Variants in KAZN observed in about 807,000 individuals in gnomAD.
The protein encoded by KAZN is kazrin, periplakin interacting protein, also known as kazrin.
Under a neutral mutation model 87.4 loss-of-function variants are expected in KAZN, and 40 were observed. The observed-to-expected ratio is 0.46, with a 90% CI of 0.36 to 0.60. The LOEUF (loss-of-function observed/expected upper bound fraction) is 0.60. Ranked by LOEUF, KAZN falls within the 20% of genes least tolerant of loss-of-function variation. The probability of loss-of-function intolerance (pLI) is 0.00; values close to 1 mark genes in which losing one functional copy is unlikely to be tolerated. For missense variants in KAZN, 898 were observed against 1,073.9 expected, an observed-to-expected ratio of 0.84 and a Z score of 2.29; for synonymous variants, 466 against 458.3, an observed-to-expected ratio of 1.02 and a Z score of -0.22.
chr1:14,954,726 G>A (rs1662878777), intron 1 of KAZN, among the ~76,000 whole-genome samples: 1 of 152,202 alleles, frequency 6.6e-6, no homozygotes, highest in Admixed American at 6.5e-5. Context: ...GGAGACTGAG[G>A]CGGGCAGATC....
intron 2 of KAZN, among the ~76,000 whole-genome samples, chr1:14,219,465 T>C (rs979135071): frequency 8.5e-5 from 13 of 152,184 alleles, no homozygotes; most frequent in African/African-American, 3.1e-4. Flanking sequence ...TTAAAACATA[T>C]ATAATGTACC....
At chr1:14,258,883 T>C (rs1463566363) in intron 2 of KAZN, among the ~76,000 whole-genome samples, 4 of 152,182 alleles carry the variant, frequency 2.6e-5, no homozygotes, top group African/African-American at 9.6e-5. Context: ...GTCTCCATGG[T>C]AAATGGTCAA....
chr1:14,650,853 T>A (rs986328068), intron 1 of KAZN, among the ~76,000 whole-genome samples: 1 of 152,186 alleles, frequency 6.6e-6, no homozygotes, highest in African/African-American at 2.4e-5. Flanking sequence ...AAGGGCCTGA[T>A]GGGGTCCATG....
At position 14,392,970 on chromosome 1, in the gene KAZN, C is replaced by T. The variant is rs77630702; in HGVS notation, c.250-206013C>T. 3.0e-3 allele frequency among the ~76,000 whole-genome samples: 455 copies of T among 152,268 alleles called. 3 individuals are homozygous for T. Among genetic ancestry groups the T allele is most frequent in the African/African-American group, 1.0e-2 (414 of 41,536 alleles). On this transcript the variant is annotated intron_variant, in intron 2 of 16. Transcript: ENST00000636203. ...TTTGGCTTTCTTTCTGCTCTAGGGA[C>T]TTCCTTCCATGGTGCAGTGGTCAAT...
At chr1:14,482,929 C>T (rs530631929) in intron 2 of KAZN, among the ~76,000 whole-genome samples, 1 of 152,308 alleles carries the variant, frequency 6.6e-6, no homozygotes, top group South Asian at 2.1e-4. Flanking sequence ...AGGTAAGTTA[C>T]ATAACCTCTT....
At chr1:14,804,545 C>T (rs1035830420) in intron 1 of KAZN, among the ~76,000 whole-genome samples, 2 of 152,120 alleles carry the variant, frequency 1.3e-5, no homozygotes, top group East Asian at 1.9e-4. Context: ...GTGCTACTAC[C>T]GGAATAGGGA....
At chr1:15,017,762 C>T (rs1670270161) in intron 2 of KAZN, among the ~76,000 whole-genome samples, 1 of 152,054 alleles carries the variant, frequency 6.6e-6, no homozygotes, top group Non-Finnish European at 1.5e-5. Flanking sequence ...TGAGATTGCA[C>T]CATTGCACTC....
At chr1:14,624,481 C>G (rs549329251) in intron 1 of KAZN, among the ~76,000 whole-genome samples, 1 of 151,926 alleles carries the variant, frequency 6.6e-6, no homozygotes, top group Non-Finnish European at 1.5e-5. Flanking sequence ...CTATTTCTCC[C>G]TGCAGTTCTC....
At chr1:14,395,778 A>G (rs1662846464) in intron 2 of KAZN, among the ~76,000 whole-genome samples, 1 of 152,130 alleles carries the variant, frequency 6.6e-6, no homozygotes, top group African/African-American at 2.4e-5. Context: ...GATACTAGTG[A>G]AGACATTTAA....
At chr1:14,140,594 C>T (rs1431726777) in intron 1 of KAZN, among the ~76,000 whole-genome samples, 1 of 151,960 alleles carries the variant, frequency 6.6e-6, no homozygotes, top group Non-Finnish European at 1.5e-5. Context: ...AGAAAAAGAG[C>T]CCAATCATTC....
chr1:14,096,940 C>T (rs1338308532), intron 1 of KAZN, among the ~76,000 whole-genome samples: 1 of 152,204 alleles, frequency 6.6e-6, no homozygotes, highest in Non-Finnish European at 1.5e-5. Context: ...AAACATGGAG[C>T]CCAGGCTTTT....
intron 1 of KAZN, among the ~76,000 whole-genome samples, chr1:14,747,680 T>C (rs1173952452): frequency 1.3e-5 from 2 of 152,274 alleles, no homozygotes; most frequent in African/African-American, 4.8e-5. Context: ...TAAATACAAG[T>C]ATCAGTTTGA....
chr1:14,574,691 A>T (rs1318176561), intron 2 of KAZN, among the ~76,000 whole-genome samples: 1 of 152,080 alleles, frequency 6.6e-6, no homozygotes, highest in Non-Finnish European at 1.5e-5. Context: ...ACATTCATTC[A>T]ACCATCATTT....
chr1:14,352,235 A>G (rs112760748), intron 2 of KAZN, among the ~76,000 whole-genome samples: 23 of 152,208 alleles, frequency 1.5e-4, no homozygotes, highest in Admixed American at 1.5e-3. Context: ...AATTAGACAC[A>G]GAATCGGATC....
chr1:14,814,365 G>A (rs963984733), intron 1 of KAZN, among the ~76,000 whole-genome samples: 3 of 151,984 alleles, frequency 2.0e-5, no homozygotes, highest in Admixed American at 6.6e-5. Flanking sequence ...TATCTCCCAC[G>A]CCACCAAGCA....
At chr1:14,507,792 T>C (rs966164030) in intron 2 of KAZN, among the ~76,000 whole-genome samples, 1 of 151,896 alleles carries the variant, frequency 6.6e-6, no homozygotes, top group Non-Finnish European at 1.5e-5. Context: ...CTAATAAAAA[T>C]TTGATGTTAA....
Position 14,273,261 on chromosome 1 carries a change from T to C in KAZN, c.249+92669T>C, listed in dbSNP as rs76029175. 5.2e-3 allele frequency among the ~76,000 whole-genome samples: 790 copies of C among 152,052 alleles called. 1 individual carries two copies. The highest frequency in any genetic ancestry group is 0.018 in the African/African-American group (733 of 41,456). On this transcript the variant is annotated intron_variant, in intron 2 of 16. Transcript: ENST00000636203. ...TGGACCCTACCTGGAAATCTAGAAA[T>C]GAAACGGAAAGGTATGAGTTGTCAA...
chr1:14,585,701 T>C (rs1675812317), intron 2 of KAZN, among the ~76,000 whole-genome samples: 1 of 152,054 alleles, frequency 6.6e-6, no homozygotes, highest in Admixed American at 6.5e-5. Context: ...ATACTATGAA[T>C]GGGAAGGAGT....
chr1:14,910,407 G>T (rs1435108542), intron 1 of KAZN, among the ~76,000 whole-genome samples: 6 of 152,178 alleles, frequency 3.9e-5, no homozygotes, highest in African/African-American at 1.4e-4. Flanking sequence ...TCAGCCCAGG[G>T]TTTCTCACCC....
Sources: allele counts gnomAD v4.1 joint callset (sites outside exome capture counted in the v4.1 genomes callset), GRCh38; gene constraint gnomAD v4.1.1; transcripts MANE v1.5; gene names NCBI Gene and HGNC (gene_info 2026-07-23, HGNC 2026-07-21).